The following KIAA2012 variants were observed in gnomAD, a reference collection of about 807,000 sequenced individuals.
The protein encoded by KIAA2012 is uncharacterized protein KIAA2012.
Under a neutral mutation model 150.6 loss-of-function variants are expected in KIAA2012, and 125 were observed. That is an observed-to-expected ratio of 0.83 (90% CI 0.72 to 0.96). KIAA2012 has a LOEUF of 0.96. KIAA2012 is among the 40% of genes least tolerant of loss of function. The probability of loss-of-function intolerance (pLI) is 0.00; values close to 1 mark genes in which losing one functional copy is unlikely to be tolerated. For missense variants in KIAA2012, 1,219 were observed against 1,354.9 expected (o/e 0.90, Z 1.57); for synonymous variants, 462 against 504.7 (o/e 0.92, Z 1.13).
At chr2:202,100,280 A>G (rs1484022684) in intron 6 of KIAA2012, 27 bp from the exon 7 acceptor site, 1 of 1,544,088 alleles carries the variant, frequency 6.5e-7, no homozygotes, top group Non-Finnish European at 8.8e-7. Context: ...CAATTAATAT[A>G]TTCTCATTCT....
At chr2:202,175,672 T>C (rs970275534) in intron 15 of KIAA2012, among the ~76,000 whole-genome samples, 2 of 152,218 alleles carry the variant, frequency 1.3e-5, no homozygotes, top group African/African-American at 4.8e-5. Flanking sequence ...TTCCAGCACC[T>C]TGATCTTGAA....
intron 2 of KIAA2012, among the ~76,000 whole-genome samples, chr2:202,078,988 G>A (rs999733937): frequency 6.6e-6 from 1 of 152,126 alleles, no homozygotes; most frequent in African/African-American, 2.4e-5. Context: ...CTGAGGTCAG[G>A]AGTTCGAGAC....
At chr2:202,192,830 T>A (rs1409714900) in intron 19 of KIAA2012, among the ~76,000 whole-genome samples, 2 of 152,078 alleles carry the variant, frequency 1.3e-5, no homozygotes, top group African/African-American at 4.8e-5. Flanking sequence ...GGTGACTTGT[T>A]ACCTTGAACC....
chr2:202,125,506 G>A (rs1341944433), intron 12 of KIAA2012, among the ~76,000 whole-genome samples: 2 of 152,138 alleles, frequency 1.3e-5, no homozygotes, highest in Non-Finnish European at 1.5e-5. Flanking sequence ...AGGAAGAGAC[G>A]TCGGGTGGAA....
rs904356844 is a variant in KIAA2012, at chr2:202,144,769, A to G, written c.1908+6261A>G. Among the ~76,000 whole-genome samples, 17 of 152,212 alleles carry G rather than the reference A, an allele frequency of 1.1e-4. 1 individual carries two copies. Among genetic ancestry groups the G allele is most frequent in the Non-Finnish European group, 2.2e-4 (15 of 68,038 alleles). On this transcript the variant is annotated intron_variant, in intron 13 of 23. Coordinates refer to ENST00000498697, the MANE Select transcript of KIAA2012 (RefSeq NM_001277372.4). ...CACTTTGGGAGGCCAAGGTGGGCGG[A>G]TCACTTGAAACCAGAAGTTCGAAAC...
At chr2:202,195,250 G>A (rs1041129285) in intron 21 of KIAA2012, among the ~76,000 whole-genome samples, 10 of 151,582 alleles carry the variant, frequency 6.6e-5, no homozygotes, top group Non-Finnish European at 1.2e-4. Flanking sequence ...AGGTGTGGTG[G>A]CTCACACCTA....
chr2:202,183,916 G>A (rs551834795), intron 15 of KIAA2012, among the ~76,000 whole-genome samples: 32 of 151,942 alleles, frequency 2.1e-4, no homozygotes, highest in Admixed American at 3.9e-4. Flanking sequence ...GTTCATATCC[G>A]TCCAGATTTT....
intron 12 of KIAA2012, among the ~76,000 whole-genome samples, chr2:202,133,109 AATAT>A (rs1553556980): frequency 5.7e-5 from 5 of 87,884 alleles, no homozygotes; most frequent in African/African-American, 9.3e-5. Context: ...TCTAAAAAAA[AATAT>A]ATATATATAT....
intron 7 of KIAA2012, among the ~76,000 whole-genome samples, chr2:202,102,148 A>C (rs761739206): frequency 6.6e-6 from 1 of 151,672 alleles, no homozygotes; most frequent in Non-Finnish European, 1.5e-5. Flanking sequence ...TGTTACTACT[A>C]CCCCCAGTGA....
At chr2:202,102,862 C>A in intron 7 of KIAA2012, 84 bp from the exon 8 acceptor site, 3 of 1,286,292 alleles carry the variant, frequency 2.3e-6, no homozygotes, top group African/African-American at 1.5e-5. Context: ...GCAAGAGATA[C>A]AATAAGAGAC....
At chr2:202,136,103 A>G in intron 12 of KIAA2012, 1 of 357,376 alleles carries the variant, frequency 2.8e-6, no homozygotes, top group Non-Finnish European at 5.6e-6. Context: ...CTTCGTGGTG[A>G]GTGTTACAGT....
At chr2:202,197,120 C>A (rs1692430884) in intron 22 of KIAA2012, 101 bp downstream of exon 22, 5 of 1,503,388 alleles carry the variant, frequency 3.3e-6, no homozygotes, top group South Asian at 1.3e-5. Flanking sequence ...CAAGAAAAGT[C>A]CCCCCACCCC....
Position 202,075,010 on chromosome 2 carries a change from G to T in KIAA2012, c.204G>T (p.Lys68Asn). 1.3e-6 allele frequency: 2 copies of T among 1,550,648 alleles called. No homozygotes were observed. The highest frequency in any genetic ancestry group is 1.7e-6 in the Non-Finnish European group (2 of 1,147,008). ...LFLPKTFSTRKGALILYSEGF... is the reference protein window; with the variant it reads ...LFLPKTFSTRNGALILYSEGF... ...TCCCTAAAACTTTCAGTACTAGAAA[G>T]GGTGCCCTGATCCTGTACTCAGAAG... is the stretch of plus-strand genomic sequence containing the variant. The change falls in exon 2 of 24, where the codon AAG becomes AAT. Residue 68 changes from lysine to asparagine, a missense_variant. Coordinates refer to ENST00000498697, the MANE Select transcript of KIAA2012 (RefSeq NM_001277372.4).
chr2:202,120,783 TCA>T (rs948938742), intron 11 of KIAA2012, among the ~76,000 whole-genome samples: 45 of 152,320 alleles, frequency 3.0e-4, no homozygotes, highest in African/African-American at 1.0e-3. Flanking sequence ...CCTCTGAATA[TCA>T]CAGAGAACAC....
At chr2:202,166,611 C>G (rs1691769316) in intron 15 of KIAA2012, among the ~76,000 whole-genome samples, 1 of 151,268 alleles carries the variant, frequency 6.6e-6, no homozygotes, top group African/African-American at 2.4e-5. Flanking sequence ...GTGCTATGAT[C>G]ATGCCACTGC....
chr2:202,135,184 G>A (rs1331063218), intron 12 of KIAA2012, among the ~76,000 whole-genome samples: 1 of 152,234 alleles, frequency 6.6e-6, no homozygotes, highest in Non-Finnish European at 1.5e-5. Context: ...GGGCAGCCAA[G>A]GAAGGAATGT....
chr2:202,166,673 C>CAA (rs35119948), intron 15 of KIAA2012, among the ~76,000 whole-genome samples: 8 of 145,088 alleles, frequency 5.5e-5, no homozygotes, highest in African/African-American at 2.0e-4. Flanking sequence ...AAAACAAAAA[C>CAA]AAAAAAAAAA....
chr2:202,160,082 C>T (rs115056206), intron 14 of KIAA2012, among the ~76,000 whole-genome samples: 369 of 152,028 alleles, frequency 2.4e-3, no homozygotes, highest in African/African-American at 8.1e-3. Flanking sequence ...ATGAGGAAAC[C>T]GAGGCTCAGA....
At chr2:202,141,122 G>A (rs1035153029) in intron 13 of KIAA2012, among the ~76,000 whole-genome samples, 2 of 152,176 alleles carry the variant, frequency 1.3e-5, no homozygotes, top group African/African-American at 4.8e-5. Context: ...TGGGCTGGAG[G>A]CTTCTGCAGA....
Sources: gnomAD v4.1 joint callset for allele counts (sites outside exome capture counted in the v4.1 genomes callset) on GRCh38, gnomAD v4.1.1 for gene constraint, MANE v1.5 for transcripts, NCBI Gene and HGNC (gene_info 2026-07-23, HGNC 2026-07-21) for gene names.